Variants in PRRG1 observed in about 807,000 individuals in gnomAD.
PRRG1 encodes transmembrane gamma-carboxyglutamic acid protein 1.
A neutral mutation model predicts 11.8 loss-of-function variants in PRRG1; 5 were observed. That is an observed-to-expected ratio of 0.42 (90% CI 0.22 to 0.89). The LOEUF (loss-of-function observed/expected upper bound fraction) is 0.89. PRRG1 is among the 40% of genes least tolerant of loss of function. The pLI, the probability that PRRG1 is intolerant of heterozygous loss-of-function variation, is 0.28. For synonymous variants in PRRG1, 66 were observed against 60.4 expected (o/e 1.09, Z -0.43); for missense variants, 155 against 166.1 (o/e 0.93, Z 0.37).
intron 2 of PRRG1, among the ~76,000 whole-genome samples, chrX:37,406,690 G>A (rs942739419): frequency 3.5e-4 from 39 of 110,935 alleles, no homozygotes; most frequent in Middle Eastern, 9.2e-3. Context: ...CTGTGAGGTT[G>A]ATTTGTAATT....
intron 2 of PRRG1, 31 bp downstream of exon 2, chrX:37,406,290 G>C (rs1031345912): frequency 1.7e-6 from 2 of 1,156,512 alleles, no homozygotes; most frequent in African/African-American, 3.6e-5. Flanking sequence ...AAGTAATTCA[G>C]ACTGTCTCCA....
chrX:37,361,533 A>AT (rs1930415685), intron 1 of PRRG1, among the ~76,000 whole-genome samples: 1 of 111,454 alleles, frequency 9.0e-6, no homozygotes, highest in East Asian at 2.8e-4. Flanking sequence ...TTTTAGGTAC[A>AT]TTTTTTCAGT....
chrX:37,405,081 T>G (rs148608790), intron 1 of PRRG1, among the ~76,000 whole-genome samples: 3 of 112,076 alleles, frequency 2.7e-5, no homozygotes, highest in African/African-American at 9.7e-5. Flanking sequence ...GAAACCTGAT[T>G]AAATTAAGTC....
At chrX:37,403,795 G>C in intron 1 of PRRG1, 1 of 747,242 alleles carries the variant, frequency 1.3e-6, no homozygotes, top group Non-Finnish European at 1.6e-6. Flanking sequence ...GGGCCTGGGG[G>C]AGTTTGGGGC....
At chrX:37,439,793 C>CT (rs36010783) in intron 3 of PRRG1, among the ~76,000 whole-genome samples, 11,592 of 73,863 alleles carry the variant, frequency 0.16, 1,938 homozygotes, top group African/African-American at 0.44. Context: ...CTTTAAAATT[C>CT]TTTTTTTTTT....
At chrX:37,408,557 C>T (rs191965260) in intron 2 of PRRG1, among the ~76,000 whole-genome samples, 9 of 111,715 alleles carry the variant, frequency 8.1e-5, no homozygotes, top group Non-Finnish European at 1.7e-4. Context: ...TGGGAATCGC[C>T]ACGTTTGTGT....
chrX:37,396,388 C>T (rs782171724), intron 1 of PRRG1, among the ~76,000 whole-genome samples: 2 of 111,470 alleles, frequency 1.8e-5, no homozygotes, highest in Non-Finnish European at 3.8e-5. Context: ...TGAATTCCCA[C>T]GTGTTATGGG....
intron 1 of PRRG1, among the ~76,000 whole-genome samples, chrX:37,398,644 G>A (rs1474503303): frequency 8.0e-5 from 9 of 112,474 alleles, no homozygotes; most frequent in East Asian, 2.8e-4. Context: ...TGACTTTGAC[G>A]AGTTGAGAGA....
At chrX:37,414,028 T>C (rs1182955996) in intron 2 of PRRG1, among the ~76,000 whole-genome samples, 2 of 111,763 alleles carry the variant, frequency 1.8e-5, no homozygotes, top group Non-Finnish European at 3.8e-5. Context: ...GTAAGTATAC[T>C]CCATGATGTT....
At chrX:37,431,765 T>A (rs1932829744) in intron 3 of PRRG1, among the ~76,000 whole-genome samples, 2 of 111,407 alleles carry the variant, frequency 1.8e-5, no homozygotes, top group South Asian at 3.7e-4. Flanking sequence ...AATGTTTTTT[T>A]GTTGTTGTTG....
At chrX:37,416,536 C>G (rs782108704) in intron 2 of PRRG1, among the ~76,000 whole-genome samples, 9 of 111,747 alleles carry the variant, frequency 8.1e-5, no homozygotes, top group Non-Finnish European at 1.3e-4. Flanking sequence ...CCGCAAACAT[C>G]AAGACTACTG....
intron 1 of PRRG1, among the ~76,000 whole-genome samples, chrX:37,360,605 C>T (rs1039784133): frequency 8.9e-6 from 1 of 112,090 alleles, no homozygotes. Context: ...TCCACATGAG[C>T]TTGAGAAAAA....
At position 37,403,860 on chromosome X, in the gene PRRG1, C is replaced by A. The variant is rs1375809236; in HGVS notation, c.-41-2349C>A. ...CCTTTTATCTCTCTAAGAAAATTGT[C>A]TTATTTAAAATAAGATGCTGATCTT... On this transcript the variant is annotated intron_variant, in intron 1 of 3. Coordinates refer to ENST00000378628, the MANE Select transcript of PRRG1 (RefSeq NM_001142395.2). 27 of 545,540 alleles carry A rather than the reference C, an allele frequency of 4.9e-5. No individual in the cohort carries two copies. The Admixed American group carries it at 2.2e-3, about 44-fold the overall frequency. 45.0% of individuals were successfully genotyped at this position (545,540 alleles called of 1,213,427 possible). A position where few individuals can be genotyped will look rare whatever the true frequency, so the allele number is the denominator to read the frequency against.
intron 3 of PRRG1, among the ~76,000 whole-genome samples, chrX:37,432,180 C>T (rs368710783): frequency 1.2e-4 from 13 of 109,373 alleles, no homozygotes; most frequent in Admixed American, 2.9e-4. Flanking sequence ...CTCCGCCTCC[C>T]GGGTTCACGC....
At position 37,424,315 on chromosome X, in the gene PRRG1, C is replaced by T. The variant is rs372531892; in HGVS notation, c.11-1525C>T. 1.6e-4 allele frequency among the ~76,000 whole-genome samples: 18 copies of T among 111,222 alleles called. No homozygotes were observed. The East Asian group carries it at 1.7e-3, about 11-fold the overall frequency. ...GTGGTAATGGGAGCAGCAGCAGCAG[C>T]ATTTCCTGGAAACTGGTTAGAAATG... On this transcript the variant is annotated intron_variant, in intron 2 of 3. Coordinates refer to ENST00000378628, the MANE Select transcript of PRRG1 (RefSeq NM_001142395.2).
intron 1 of PRRG1, among the ~76,000 whole-genome samples, chrX:37,405,448 C>T (rs1475722990): frequency 2.7e-5 from 3 of 111,397 alleles, no homozygotes; most frequent in Non-Finnish European, 5.7e-5. Context: ...ATATTGGGAA[C>T]ATGACAAGTG....
chrX:37,380,805 G>GACTTAT lies in PRRG1; in HGVS notation c.-41-25401_-41-25400insTATACT, dbSNP rs782099582. On this transcript the variant is annotated intron_variant, in intron 1 of 3. Coordinates refer to ENST00000378628, the MANE Select transcript of PRRG1 (RefSeq NM_001142395.2). ...TTAGTACATTGTTTCCCGACAGTTA[G>GACTTAT]ACTCCAGTATAAGGTTTTGGGGATA... Among the ~76,000 whole-genome samples, 8 of 111,288 alleles carry GACTTAT rather than the reference G, an allele frequency of 7.2e-5. No homozygotes were observed. In the East Asian group the frequency reaches 2.3e-3, roughly 31 times the overall value.
chrX:37,383,924 A>G (rs1988432509), intron 1 of PRRG1, among the ~76,000 whole-genome samples: 1 of 110,373 alleles, frequency 9.1e-6, no homozygotes, highest in Non-Finnish European at 1.9e-5. Flanking sequence ...AACTTTTTAA[A>G]CTGATTGTTC....
chrX:37,422,929 T>C (rs1205182627), intron 2 of PRRG1, among the ~76,000 whole-genome samples: 6 of 111,258 alleles, frequency 5.4e-5, no homozygotes, highest in African/African-American at 2.0e-4. Context: ...CATTCTGGAG[T>C]AAACTCCTTC....
Sources: allele counts gnomAD v4.1 joint callset (sites outside exome capture counted in the v4.1 genomes callset), GRCh38; gene constraint gnomAD v4.1.1; transcripts MANE v1.5; gene names NCBI Gene and HGNC (gene_info 2026-07-23, HGNC 2026-07-21).